Variants in TMEM63C observed in about 807,000 individuals in gnomAD.
TMEM63C encodes the protein transmembrane protein 63C, also known as osmosensitive cation channel TMEM63C.
Under a neutral mutation model 99.2 loss-of-function variants are expected in TMEM63C, and 32 were observed. The observed-to-expected ratio is 0.32, with a 90% CI of 0.24 to 0.43. TMEM63C has a LOEUF of 0.43. Among genes scored for constraint, TMEM63C ranks in the 20% least tolerant of loss-of-function variants. The pLI is 1.00. For synonymous variants in TMEM63C, 376 were observed against 397.9 expected (o/e 0.94, Z 0.66); for missense variants, 826 against 1,053.0 (o/e 0.78, Z 2.98).
chr14:77,248,512 A>G lies in TMEM63C; in HGVS notation c.1764+3A>G. The G allele has an allele frequency of 6.3e-7, 1 of 1,578,710 alleles. No homozygotes were observed. The highest frequency in any genetic ancestry group is 8.6e-7 in the Non-Finnish European group (1 of 1,162,278). ...CAGAGAGAGTCAACATCAGAAAGGT[A>G]CAGACTGGCTCTCCGCTGAGCACAG... On this transcript the variant is annotated splice_donor_region_variant and intron_variant, in intron 19 of 23. Transcript: ENST00000298351.
intron 1 of TMEM63C, among the ~76,000 whole-genome samples, chr14:77,192,923 C>T (rs1036830884): frequency 2.0e-5 from 3 of 152,120 alleles, no homozygotes; most frequent in Admixed American, 2.0e-4. Flanking sequence ...TTTAAGAATA[C>T]AAGTTGAAAA....
chr14:77,193,792 C>T (rs1343950773), intron 1 of TMEM63C, among the ~76,000 whole-genome samples: 2 of 151,662 alleles, frequency 1.3e-5, no homozygotes, highest in African/African-American at 4.8e-5. Context: ...AGAGATTGCG[C>T]CACTGCACTC....
intron 18 of TMEM63C, among the ~76,000 whole-genome samples, chr14:77,247,257 G>T (rs929882497): frequency 2.6e-5 from 4 of 152,056 alleles, no homozygotes; most frequent in Non-Finnish European, 5.9e-5. Context: ...CTGGAGTGCA[G>T]TGGCGCAATC....
chr14:77,199,368 G>A (rs1421328221), intron 1 of TMEM63C, among the ~76,000 whole-genome samples: 1 of 152,154 alleles, frequency 6.6e-6, no homozygotes, highest in Non-Finnish European at 1.5e-5. Context: ...ACACAGTCAA[G>A]TGCAAATCAT....
intron 2 of TMEM63C, among the ~76,000 whole-genome samples, chr14:77,217,710 G>A (rs2110908): frequency 0.15 from 23,057 of 152,180 alleles, 2,183 homozygotes; most frequent in East Asian, 0.44. Context: ...TGCCAGGGAC[G>A]GCAGGCTCTG....
rs374116600 is a variant in TMEM63C at position 77,218,240 on chromosome 14, A to AGGGGG, written c.-13-560_-13-559insGGGGG. The stretch of plus-strand genomic sequence containing the variant: ...TGTACCCACAGAAGTTAAAAAAAAA[A>AGGGGG]GAGGGGGGTGTTTCTTGAGTCACTG... On this transcript the variant is annotated intron_variant, in intron 2 of 23. Coordinates refer to ENST00000298351, the MANE Select transcript of TMEM63C (RefSeq NM_020431.4). Among the ~76,000 whole-genome samples, 82 of 138,320 alleles carry AGGGGG rather than the reference A, an allele frequency of 5.9e-4. 1 individual carries two copies. The highest frequency in any genetic ancestry group is 1.2e-3 in the Admixed American group (16 of 13,450). 90.7% of individuals were successfully genotyped at this position (138,320 alleles called of 152,430 possible).
intron 9 of TMEM63C, among the ~76,000 whole-genome samples, chr14:77,237,806 C>G (rs980246837): frequency 6.6e-6 from 1 of 152,254 alleles, no homozygotes; most frequent in Admixed American, 6.5e-5. Flanking sequence ...GACCAGCACC[C>G]ATGCTCTGCT....
At chr14:77,221,377 T>C (rs1233757883) in intron 5 of TMEM63C, among the ~76,000 whole-genome samples, 1 of 56,520 alleles carries the variant, frequency 1.8e-5, no homozygotes, top group Non-Finnish European at 2.9e-5. Context: ...CACTCATGCC[T>C]CACCTCCCAC....
chr14:77,248,607 G>A (rs1889305687), intron 19 of TMEM63C, 98 bp downstream of exon 19: 1 of 1,518,198 alleles, frequency 6.6e-7, no homozygotes, highest in Non-Finnish European at 8.9e-7. Context: ...TGAGGTGGGA[G>A]GGACGGTGTG....
At chr14:77,210,406 G>A (rs1888475580) in intron 1 of TMEM63C, among the ~76,000 whole-genome samples, 1 of 152,188 alleles carries the variant, frequency 6.6e-6, no homozygotes, top group East Asian at 1.9e-4. Context: ...CATATGTAAA[G>A]CTGAGCAAAC....
chr14:77,213,264 C>CA (rs989760483), intron 1 of TMEM63C, among the ~76,000 whole-genome samples, 182 bp from the exon 2 acceptor site: 1 of 152,152 alleles, frequency 6.6e-6, no homozygotes, highest in African/African-American at 2.4e-5. Context: ...AAGACACCAT[C>CA]AAGACAATTA....
At chr14:77,224,781 G>A (rs1313448589) in intron 5 of TMEM63C, among the ~76,000 whole-genome samples, 1 of 152,182 alleles carries the variant, frequency 6.6e-6, no homozygotes, top group Admixed American at 6.5e-5. Flanking sequence ...CAGGAATTCA[G>A]AGGGAAAGAG....
At chr14:77,225,356 G>T in intron 5 of TMEM63C, 68 bp from the exon 6 acceptor site, 1 of 1,523,056 alleles carries the variant, frequency 6.6e-7, no homozygotes, top group Non-Finnish European at 8.9e-7. Flanking sequence ...TGGCCGCCTG[G>T]GTTCCCAGAG....
chr14:77,222,316 C>A (rs930299916), intron 5 of TMEM63C, among the ~76,000 whole-genome samples: 5 of 152,196 alleles, frequency 3.3e-5, no homozygotes, highest in Non-Finnish European at 7.3e-5. Context: ...TGTGTCTCCA[C>A]GTTGTGTTGC....
rs186050451 is a variant in TMEM63C, at chr14:77,249,284, C to G, written c.1871-7C>G. On this transcript the variant is annotated splice_region_variant and splice_polypyrimidine_tract_variant and intron_variant, in intron 20 of 23. Coordinates refer to ENST00000298351, the MANE Select transcript of TMEM63C (RefSeq NM_020431.4). ...CCACTGAGTAAGTTTCCACCTTTGT[C>G]CCCCAGGGTTGCTCTACCTGTGCAT... 1.2e-6 allele frequency: 2 copies of G among 1,613,408 alleles called. No individual in the cohort carries two copies. Among genetic ancestry groups the G allele is most frequent in the African/African-American group, 2.7e-5 (2 of 74,896 alleles).
intron 1 of TMEM63C, among the ~76,000 whole-genome samples, chr14:77,187,582 G>A (rs563269758): frequency 1.3e-5 from 2 of 152,360 alleles, no homozygotes; most frequent in South Asian, 4.1e-4. Context: ...AGCAGCCAGG[G>A]AGGAAGGGAC....
intron 1 of TMEM63C, among the ~76,000 whole-genome samples, chr14:77,206,845 T>C (rs1374893124): frequency 6.6e-6 from 1 of 152,224 alleles, no homozygotes; most frequent in African/African-American, 2.4e-5. Context: ...AAAAAAATGT[T>C]AAGGACTGTT....
intron 5 of TMEM63C, 128 bp downstream of exon 5, chr14:77,220,215 T>C (rs1888666773): frequency 1.1e-6 from 1 of 875,764 alleles, no homozygotes; most frequent in African/African-American, 1.7e-5. Context: ...ACTCTGGCAG[T>C]GTGACCTTGA....
chr14:77,214,236 T>C (rs1029611089), intron 2 of TMEM63C, among the ~76,000 whole-genome samples: 2 of 152,186 alleles, frequency 1.3e-5, no homozygotes, highest in African/African-American at 4.8e-5. Context: ...AAGAGCCCTG[T>C]GAAGTGGGTA....
Sources: allele counts gnomAD v4.1 joint callset (sites outside exome capture counted in the v4.1 genomes callset), GRCh38; gene constraint gnomAD v4.1.1; transcripts MANE v1.5; gene names NCBI Gene and HGNC (gene_info 2026-07-23, HGNC 2026-07-21).